Variants in PTER observed in about 807,000 individuals in gnomAD.
The protein encoded by PTER is phosphotriesterase related.
In PTER, 38 loss-of-function variants were observed where a neutral mutation model predicts 29.6. That is an observed-to-expected ratio of 1.28 (90% CI 0.99 to 1.68). The LOEUF (loss-of-function observed/expected upper bound fraction) is 1.68, where lower values mean the gene tolerates loss of function less well. Among genes scored for constraint, PTER ranks in the 40% most tolerant of loss-of-function variants. The pLI, the probability that PTER is intolerant of heterozygous loss-of-function variation, is 0.00. For synonymous variants in PTER, 172 were observed against 154.5 expected (o/e 1.11, Z -0.84); for missense variants, 482 against 427.8 (o/e 1.13, Z -1.12).
At chr10:16,466,491 G>A (rs1406261998) in intron 1 of PTER, among the ~76,000 whole-genome samples, 2 of 152,164 alleles carry the variant, frequency 1.3e-5, no homozygotes, top group Admixed American at 1.3e-4. Context: ...AAGTAACTGG[G>A]ATTACAGGCA....
At chr10:16,498,121 T>C (rs1354530034) in intron 3 of PTER, among the ~76,000 whole-genome samples, 1 of 152,220 alleles carries the variant, frequency 6.6e-6, no homozygotes. Flanking sequence ...GTAAATGACA[T>C]TGCAATCATT....
At chr10:16,493,443 T>C (rs1342939005) in intron 3 of PTER, among the ~76,000 whole-genome samples, 1 of 152,182 alleles carries the variant, frequency 6.6e-6, no homozygotes, top group Non-Finnish European at 1.5e-5. Flanking sequence ...TTTTAAATTT[T>C]TAAGAGTAAA....
downstream of PTER, chr10:16,514,585 A>G: frequency 3.1e-6 from 5 of 1,613,910 alleles, no homozygotes; most frequent in Non-Finnish European, 3.4e-6. Context: ...TGTTTCCTCC[A>G]TGGGCTTTCC....
chr10:16,450,597 A>G (rs745572844), intron 1 of PTER, among the ~76,000 whole-genome samples: 3 of 152,208 alleles, frequency 2.0e-5, no homozygotes, highest in Non-Finnish European at 4.4e-5. Context: ...ATTGCAGATC[A>G]GCCACTCACA....
Position 16,505,003 on chromosome 10 carries a change from T to G in PTER, c.699-17T>G. On this transcript the variant is annotated splice_polypyrimidine_tract_variant and intron_variant, in intron 3 of 4. Transcript: ENST00000535784. Reference sequence around the variant, plus strand: ...GGGCTCTTCATAATAACAGTTCATCTGTCGCATTGTTTCTAGGACTATTCT... The same window carrying G: ...GGGCTCTTCATAATAACAGTTCATCGGTCGCATTGTTTCTAGGACTATTCT... 1 of 1,612,948 alleles carries G rather than the reference T, an allele frequency of 6.2e-7. No homozygotes were observed. Among genetic ancestry groups the G allele is most frequent in the Non-Finnish European group, 8.5e-7 (1 of 1,179,508 alleles).
intron 1 of PTER, among the ~76,000 whole-genome samples, chr10:16,450,878 G>A (rs187574987): frequency 6.6e-6 from 1 of 152,274 alleles, no homozygotes; most frequent in Admixed American, 6.5e-5. Flanking sequence ...TGGTGAATCA[G>A]GAGTATCAAA....
chr10:16,507,891 C>A (rs922550906), intron 4 of PTER, among the ~76,000 whole-genome samples: 3 of 152,078 alleles, frequency 2.0e-5, no homozygotes, highest in Non-Finnish European at 4.4e-5. Context: ...TGAACCTGTT[C>A]CCCTAAAGCC....
intron 1 of PTER, among the ~76,000 whole-genome samples, chr10:16,439,636 A>G (rs1320932445): frequency 6.6e-6 from 1 of 152,240 alleles, no homozygotes; most frequent in Admixed American, 6.5e-5. Context: ...TTCCATGTGC[A>G]AAGTGTTCAT....
At chr10:16,490,452 C>T (rs1835857198) in intron 3 of PTER, among the ~76,000 whole-genome samples, 1 of 151,920 alleles carries the variant, frequency 6.6e-6, no homozygotes, top group Non-Finnish European at 1.5e-5. Context: ...AGTCTGATCT[C>T]CTACTCAGTT....
At chr10:16,492,752 G>C (rs974491645) in intron 3 of PTER, among the ~76,000 whole-genome samples, 1 of 152,206 alleles carries the variant, frequency 6.6e-6, no homozygotes, top group Non-Finnish European at 1.5e-5. Flanking sequence ...CCAGGGCCTA[G>C]AGTTTGATTA....
chr10:16,464,253 C>T (rs1443937253), intron 1 of PTER, among the ~76,000 whole-genome samples: 1 of 152,142 alleles, frequency 6.6e-6, no homozygotes, highest in Non-Finnish European at 1.5e-5. Context: ...TCATTGTGGC[C>T]TTGAGAGTTC....
intron 3 of PTER, among the ~76,000 whole-genome samples, chr10:16,493,436 TA>T (rs202001707): frequency 0.036 from 5,529 of 152,160 alleles, 347 homozygotes; most frequent in African/African-American, 0.12. Context: ...ATTTTTTTTT[TA>T]AATTTTTAAG....
chr10:16,505,288 T>C (rs927818700), intron 4 of PTER, 128 bp downstream of exon 4: 40 of 1,191,876 alleles, frequency 3.4e-5, no homozygotes, highest in Non-Finnish European at 4.3e-5. Flanking sequence ...CAGAGAAAAA[T>C]ATATCTATGC....
At chr10:16,442,794 A>G (rs967635332) in intron 1 of PTER, among the ~76,000 whole-genome samples, 1 of 152,202 alleles carries the variant, frequency 6.6e-6, no homozygotes, top group Non-Finnish European at 1.5e-5. Context: ...AGCCTGGCCA[A>G]CATGGCGAAA....
At chr10:16,482,994 CT>C (rs1835538103) in intron 1 of PTER, among the ~76,000 whole-genome samples, 1 of 152,144 alleles carries the variant, frequency 6.6e-6, no homozygotes, top group South Asian at 2.1e-4. Flanking sequence ...GTTGGCCAGG[CT>C]GGTCTCAAAC....
chr10:16,494,548 G>A lies in PTER; in HGVS notation c.698+7931G>A, dbSNP rs527661211. 3.5e-4 allele frequency among the ~76,000 whole-genome samples: 53 copies of A among 152,174 alleles called. 1 individual carries two copies. In the South Asian group the frequency reaches 4.8e-3, roughly 14 times the overall value. On this transcript the variant is annotated intron_variant, in intron 3 of 4. Coordinates refer to ENST00000535784, the MANE Select transcript of PTER (RefSeq NM_001261836.2). ...ATTGTTCAATGAAAGTCATGCCTCC[G>A]TGCAAAAAGAATCCCATAAAAAATA...
chr10:16,511,168 T>C lies in PTER; in HGVS notation c.962T>C (p.Val321Ala). The C allele has an allele frequency of 6.2e-7, 1 of 1,614,134 alleles. No homozygotes were observed. Among genetic ancestry groups the C allele is most frequent in the Non-Finnish European group, 8.5e-7 (1 of 1,180,008 alleles). ...HGYSHILTNV[V>A]PKMLLRGITE... ...TATTCTCATATACTCACCAATGTTG[T>C]TCCTAAAATGTTGCTGAGAGGCATA... Residue 321 changes from valine (V) to alanine (A), a missense_variant, in exon 5 of 5, where the codon GTT becomes GCT. By Grantham distance (64) the Val-to-Ala change is moderately conservative (BLOSUM62 0). Coordinates refer to ENST00000535784, the MANE Select transcript of PTER (RefSeq NM_001261836.2).
intron 1 of PTER, among the ~76,000 whole-genome samples, chr10:16,447,297 C>G (rs1450868041): frequency 6.6e-6 from 1 of 151,546 alleles, no homozygotes; most frequent in Non-Finnish European, 1.5e-5. Flanking sequence ...TAAGGTGTCA[C>G]TGTGTTGCTC....
Position 16,484,735 on chromosome 10 carries a change from T to G in PTER, c.351T>G (p.Thr117=). The part of the protein sequence containing the change: ...TQTLKRLAEE[T]GVHIISGAGF... Reference sequence around the variant, plus strand: ...CGTTGAAGAGGCTTGCAGAAGAGACTGGCGTCCATATCATATCTGGAGCCG... The same window carrying G: ...CGTTGAAGAGGCTTGCAGAAGAGACGGGCGTCCATATCATATCTGGAGCCG... Residue 117 remains threonine (T), a synonymous_variant, in exon 2 of 5, where the codon ACT becomes ACG. Coordinates refer to ENST00000535784, the MANE Select transcript of PTER (RefSeq NM_001261836.2). 1 of 1,614,064 alleles carries G rather than the reference T, an allele frequency of 6.2e-7. No homozygotes were observed. Among genetic ancestry groups the G allele is most frequent in the Non-Finnish European group, 8.5e-7 (1 of 1,179,992 alleles).
Sources: allele counts gnomAD v4.1 joint callset (sites outside exome capture counted in the v4.1 genomes callset), GRCh38; gene constraint gnomAD v4.1.1; transcripts MANE v1.5; gene names NCBI Gene and HGNC (gene_info 2026-07-23, HGNC 2026-07-21).